Variants in ATXN1 observed in about 807,000 individuals in gnomAD.
ATXN1 encodes ataxin-1.
A neutral mutation model predicts 56.4 loss-of-function variants in ATXN1; 8 were observed. The observed-to-expected ratio is 0.14, with a 90% CI of 0.08 to 0.26. ATXN1 has a LOEUF of 0.26. ATXN1 is among the 10% of genes least tolerant of loss of function. The pLI is 1.00. For synonymous variants in ATXN1, 514 were observed against 494.6 expected (o/e 1.04, Z -0.52); for missense variants, 987 against 1,106.5 (o/e 0.89, Z 1.53).
intron 6 of ATXN1, among the ~76,000 whole-genome samples, chr6:16,419,255 G>C (rs1486361976): frequency 6.6e-6 from 1 of 152,094 alleles, no homozygotes; most frequent in Non-Finnish European, 1.5e-5. Flanking sequence ...GGCTTCCCAT[G>C]AGCTTTTGAT....
At chr6:16,346,572 G>A (rs541936544) in intron 6 of ATXN1, among the ~76,000 whole-genome samples, 1 of 152,338 alleles carries the variant, frequency 6.6e-6, no homozygotes, top group East Asian at 1.9e-4. Flanking sequence ...GAAGCACATA[G>A]TTGATTCAGT....
At position 16,618,018 on chromosome 6, in the gene ATXN1, C is replaced by T. The variant is rs905374648; in HGVS notation, c.-488-32111G>A. ...AATTGTGGGTAAATAGTTATCTGAC[C>T]CTAGTGAATGGAAGGCTTTTCTAGG... On this transcript the variant is annotated intron_variant, in intron 3 of 7. Transcript: ENST00000436367. Among the ~76,000 whole-genome samples, 4 of 150,184 alleles carry T rather than the reference C, an allele frequency of 2.7e-5. No individual in the cohort carries two copies. The South Asian group carries it at 8.5e-4, about 32-fold the overall frequency.
intron 2 of ATXN1, among the ~76,000 whole-genome samples, chr6:16,718,429 G>A (rs1759681005): frequency 6.6e-6 from 1 of 152,208 alleles, no homozygotes; most frequent in African/African-American, 2.4e-5. Flanking sequence ...CTCCTTTCCT[G>A]TTAACTGTGA....
At chr6:16,738,998 T>C (rs531803465) in intron 2 of ATXN1, 1 of 152,286 alleles carries the variant, frequency 6.6e-6, no homozygotes, top group East Asian at 1.9e-4. Context: ...TCTCTTCCAT[T>C]CCTTTTGTCC....
chr6:16,626,855 C>T (rs929356884), intron 3 of ATXN1, among the ~76,000 whole-genome samples: 4 of 152,118 alleles, frequency 2.6e-5, no homozygotes, highest in African/African-American at 4.8e-5. Context: ...GGGAAGCCCA[C>T]GAGAGGACAC....
chr6:16,725,517 A>G (rs1278995527), intron 2 of ATXN1, among the ~76,000 whole-genome samples: 2 of 152,242 alleles, frequency 1.3e-5, no homozygotes, highest in African/African-American at 4.8e-5. Context: ...AACAAGAAAA[A>G]GAGCTAAATC....
chr6:16,311,979 C>T (rs778382121), intron 7 of ATXN1, among the ~76,000 whole-genome samples: 39 of 152,274 alleles, frequency 2.6e-4, no homozygotes, highest in Non-Finnish European at 3.4e-4. Flanking sequence ...TGCGTGTTCC[C>T]GGATAACTCC....
chr6:16,633,604 G>C (rs1303638905), intron 3 of ATXN1, among the ~76,000 whole-genome samples: 1 of 152,190 alleles, frequency 6.6e-6, no homozygotes, highest in Non-Finnish European at 1.5e-5. Flanking sequence ...TCCCCTCCCT[G>C]AGGTTCCTGC....
chr6:16,594,979 C>T (rs989250795), intron 3 of ATXN1, among the ~76,000 whole-genome samples: 2 of 152,128 alleles, frequency 1.3e-5, no homozygotes, highest in Admixed American at 6.6e-5. Context: ...TGAAGACTCC[C>T]CATGACCTTC....
intron 6 of ATXN1, among the ~76,000 whole-genome samples, chr6:16,365,184 T>C (rs1761893663): frequency 6.6e-6 from 1 of 152,190 alleles, no homozygotes; most frequent in African/African-American, 2.4e-5. Flanking sequence ...GGTTTTCTTT[T>C]TTTTCTTATT....
intron 6 of ATXN1, among the ~76,000 whole-genome samples, chr6:16,443,289 G>C (rs779565066): frequency 7.4e-5 from 11 of 149,262 alleles, no homozygotes; most frequent in Non-Finnish European, 1.5e-4. Flanking sequence ...CCTAAAAATG[G>C]TAAAAAGGAG....
chr6:16,428,837 A>T (rs960816567), intron 6 of ATXN1, among the ~76,000 whole-genome samples: 1 of 152,160 alleles, frequency 6.6e-6, no homozygotes, highest in Non-Finnish European at 1.5e-5. Context: ...GGGACTCAGA[A>T]GCCCCAAGTG....
At chr6:16,589,543 TTATTA>T (rs1762686597) in intron 3 of ATXN1, among the ~76,000 whole-genome samples, 1 of 152,112 alleles carries the variant, frequency 6.6e-6, no homozygotes, top group Non-Finnish European at 1.5e-5. Flanking sequence ...GAGAATGTTA[TTATTA>T]AATGTGGTAA....
At chr6:16,570,707 A>G (rs1762317121) in intron 4 of ATXN1, among the ~76,000 whole-genome samples, 1 of 152,176 alleles carries the variant, frequency 6.6e-6, no homozygotes, top group Non-Finnish European at 1.5e-5. Flanking sequence ...AAGAGAAATA[A>G]GTTGTAACCA....
intron 2 of ATXN1, among the ~76,000 whole-genome samples, chr6:16,695,506 T>A (rs1020561499): frequency 6.6e-6 from 1 of 152,126 alleles, no homozygotes; most frequent in African/African-American, 2.4e-5. Flanking sequence ...ACCACCCAAG[T>A]ACCCAAGCAA....
At chr6:16,691,501 T>C (rs563660399) in intron 2 of ATXN1, among the ~76,000 whole-genome samples, 12 of 152,310 alleles carry the variant, frequency 7.9e-5, no homozygotes, top group Non-Finnish European at 1.5e-4. Context: ...TGAGGTATGT[T>C]AAAAATGGAA....
intron 6 of ATXN1, among the ~76,000 whole-genome samples, chr6:16,347,215 G>A (rs183115754): frequency 9.8e-5 from 15 of 152,376 alleles, no homozygotes; most frequent in African/African-American, 2.6e-4. Flanking sequence ...CCCAAGGACT[G>A]AGGAGTGCGG....
chr6:16,472,167 C>T (rs761718766), intron 6 of ATXN1, among the ~76,000 whole-genome samples: 3 of 152,138 alleles, frequency 2.0e-5, no homozygotes, highest in Admixed American at 6.5e-5. Context: ...TGCACACCTG[C>T]GTCTTCACCC....
At position 16,712,170 on chromosome 6, in the gene ATXN1, G is replaced by A. The variant is rs78680685; in HGVS notation, c.-615+41063C>T. 4.7e-3 allele frequency among the ~76,000 whole-genome samples: 712 copies of A among 152,240 alleles called. 8 individuals carry two copies. Among genetic ancestry groups the A allele is most frequent in the African/African-American group, 0.016 (682 of 41,538 alleles). On this transcript the variant is annotated intron_variant, in intron 2 of 7. Transcript: ENST00000436367. Reference sequence around the variant, plus strand: ...GTATGCATTCATCAAAACTCATTGCGCTGTACGCTTAAGATGTGTTGATTT... The same window carrying A: ...GTATGCATTCATCAAAACTCATTGCACTGTACGCTTAAGATGTGTTGATTT...
Sources: gnomAD v4.1 joint callset for allele counts (sites outside exome capture counted in the v4.1 genomes callset) on GRCh38, gnomAD v4.1.1 for gene constraint, MANE v1.5 for transcripts, NCBI Gene and HGNC (gene_info 2026-07-23, HGNC 2026-07-21) for gene names.